TNNI3: variants seen among roughly 807,000 people sequenced by gnomAD.
TNNI3 encodes the protein troponin I3, cardiac type.
Under a neutral mutation model 31.5 loss-of-function variants are expected in TNNI3, and 23 were observed. The ratio of observed to expected loss-of-function variants is 0.73; its 90% CI spans 0.52 to 1.03. The LOEUF (loss-of-function observed/expected upper bound fraction) is 1.03, where lower values mean the gene tolerates loss of function less well. Among genes scored for constraint, TNNI3 ranks in the 50% least tolerant of loss-of-function variants. The pLI is 0.00. For missense variants in TNNI3, 236 were observed against 282.9 expected, an observed-to-expected ratio of 0.83 and a Z score of 1.19; for synonymous variants, 120 against 111.7, an observed-to-expected ratio of 1.07 and a Z score of -0.47.
In TNNI3 at chr19:55,157,460, C is replaced by T. The variant is rs934657027; in HGVS notation, c.11+119G>A. The T allele has an allele frequency of 7.6e-6, 12 of 1,577,182 alleles. No individual in the cohort carries two copies. The highest frequency in any genetic ancestry group is 1.0e-5 in the Non-Finnish European group (12 of 1,151,532). ...TCTGACTCGCAAACCCACTTCCTCT[C>T]TTCACCCAAGAGTCCCTACGCCTAC... On this transcript the variant is annotated intron_variant, in intron 1 of 7. Transcript: ENST00000344887. This position sits in a 1 kb window ranked among gnomAD's most constrained non-coding sequence, Gnocchi z 6.3.
chr19:55,154,840 G>A lies in TNNI3; in HGVS notation c.283-10C>T, dbSNP rs1470947353. On this transcript the variant is annotated splice_polypyrimidine_tract_variant and intron_variant, in intron 5 of 7. Transcript: ENST00000344887. ...GCTGTCGGCACAAGTCCTGGAGGAG[G>A]AACGTGGTGTGTGTTGTTGGGGGAA... 1.1e-5 allele frequency: 17 copies of A among 1,613,912 alleles called. No homozygotes were observed. Among genetic ancestry groups the A allele is most frequent in the Non-Finnish European group, 1.4e-5 (17 of 1,179,780 alleles).
chr19:55,156,132 A>T lies in TNNI3; in HGVS notation c.282+69T>A, dbSNP rs2288528. ...CATATTGGACGCCTGGGTCCCGAGC[A>T]GAAGAGGGGATAGAGGCTGTACTGC... is the stretch of plus-strand genomic sequence containing the variant. On this transcript the variant is annotated intron_variant, in intron 5 of 7. Transcript: ENST00000344887. The surrounding 1 kb of genome is among the most constrained non-coding windows in gnomAD (Gnocchi z 4.6). The T allele has an allele frequency of 0.053, 86,171 of 1,611,228 alleles. 6,903 individuals carry two copies. The highest frequency in any genetic ancestry group is 0.32 in the Admixed American group (19,232 of 59,824).
At position 55,156,544 on chromosome 19, in the gene TNNI3, T is replaced by C. The variant is rs1334022718; in HGVS notation, c.150+59A>G. ...CCACCTACCCCGAAAGCCCCACCCA[T>C]TCTCAAGCTCCGCCCCCTGAGCACC... On this transcript the variant is annotated intron_variant, in intron 4 of 7. Transcript: ENST00000344887. The surrounding 1 kb of genome is among the most constrained non-coding windows in gnomAD (Gnocchi z 4.6). The C allele has an allele frequency of 1.9e-5, 27 of 1,395,992 alleles. No homozygotes were observed. The highest frequency in any genetic ancestry group is 2.6e-5 in the Non-Finnish European group (27 of 1,034,620). 86.5% of individuals were successfully genotyped at this position (1,395,992 alleles called of 1,614,324 possible).
At position 55,157,657 on chromosome 19, in the gene TNNI3, G is replaced by A. The variant is rs569322461; in HGVS notation, c.-68C>T. The A allele has an allele frequency of 5.0e-6, 8 of 1,598,108 alleles. No individual in the cohort carries two copies. Among genetic ancestry groups the A allele is most frequent in the African/African-American group, 1.3e-5 (1 of 74,598 alleles). Reference sequence around the variant, plus strand: ...AGGGGCGTTTGGAGGGTCAGTGAGGGGGCCGCCCGGGTGACCTTCAGGGTC... The same window carrying A: ...AGGGGCGTTTGGAGGGTCAGTGAGGAGGCCGCCCGGGTGACCTTCAGGGTC... On this transcript the variant is annotated 5_prime_UTR_variant, in exon 1 of 8. Coordinates refer to ENST00000344887, the MANE Select transcript of TNNI3 (RefSeq NM_000363.5). The surrounding 1 kb of genome is among the most constrained non-coding windows in gnomAD (Gnocchi z 6.3).
chr19:55,154,882 C>T, intron 5 of TNNI3, 52 bp from the exon 6 acceptor site: 1 of 1,534,724 alleles, frequency 6.5e-7, no homozygotes, highest in Non-Finnish European at 9.0e-7. Context: ...ACAGGGAGAC[C>T]TGGACTCCTG....
rs730881068 is a variant in TNNI3, at chr19:55,154,821, G to A, written c.292C>T (p.Arg98Ter). 4.3e-5 allele frequency: 69 copies of A among 1,614,026 alleles called. No homozygotes were observed. The highest frequency in any genetic ancestry group is 3.3e-4 in the Middle Eastern group (2 of 6,082). The change falls in exon 6 of 8, where the codon CGA (arginine) becomes TGA (stop). Residue 98 changes from arginine to a stop codon, truncating the protein, a stop_gained. Coordinates refer to ENST00000344887, the MANE Select transcript of TNNI3 (RefSeq NM_000363.5). LOFTEE classifies it high-confidence loss of function. ...LGFAELQDLC[R>*]QLHARVDKVD... The stretch of plus-strand genomic sequence containing the variant: ...TTGTCCACACGGGCGTGGAGCTGTC[G>A]GCACAAGTCCTGGAGGAGGAACGTG...
Position 55,156,718 on chromosome 19 carries a change from C to T in TNNI3, c.109-74G>A. On this transcript the variant is annotated intron_variant, in intron 3 of 7. Transcript: ENST00000344887. The surrounding 1 kb of genome is among the most constrained non-coding windows in gnomAD (Gnocchi z 4.6). Reference sequence around the variant, plus strand: ...GACGACGGTGGAGGGGACCTCAAGACACCCCCAGCAAACCCAGCCGGTCCA... The same window carrying T: ...GACGACGGTGGAGGGGACCTCAAGATACCCCCAGCAAACCCAGCCGGTCCA... The T allele has an allele frequency of 6.6e-7, 1 of 1,507,318 alleles. No individual in the cohort carries two copies. Among genetic ancestry groups the T allele is most frequent in the South Asian group, 1.2e-5 (1 of 83,236 alleles). The allele number at this position is 1,507,318 out of a possible 1,614,324, so 93.4% of individuals were successfully genotyped here. A position where few individuals can be genotyped will look rare whatever the true frequency, so the allele number is the denominator to read the frequency against.
Position 55,157,040 on chromosome 19 carries a change from C to G in TNNI3, c.108+10G>C, listed in dbSNP as rs915984061. The G allele has an allele frequency of 2.5e-6, 4 of 1,581,114 alleles. No homozygotes were observed. The highest frequency in any genetic ancestry group is 3.4e-6 in the Non-Finnish European group (4 of 1,166,840). ...CGCCTGTACTCTGCCCCCAGGAAGC[C>G]CCGTCCCACCTTGGCGTGCGGCTCC... is the stretch of plus-strand genomic sequence containing the variant. On this transcript the variant is annotated intron_variant, in intron 3 of 7. Transcript: ENST00000344887. This position sits in a 1 kb window ranked among gnomAD's most constrained non-coding sequence, Gnocchi z 6.3.
Position 55,157,366 on chromosome 19 carries a change from G to A in TNNI3, c.12-58C>T. The A allele has an allele frequency of 1.2e-6, 2 of 1,607,232 alleles. No homozygotes were observed. The highest frequency in any genetic ancestry group is 2.2e-5 in the South Asian group (2 of 90,610). Reference sequence around the variant, plus strand: ...TGGTGGGCTGTGTCCTGTCTCCTAAGGGACCCCTGGAGTCCCCTCTGAACA... The same window carrying A: ...TGGTGGGCTGTGTCCTGTCTCCTAAAGGACCCCTGGAGTCCCCTCTGAACA... On this transcript the variant is annotated intron_variant, in intron 1 of 7. Transcript: ENST00000344887. The surrounding 1 kb of genome is among the most constrained non-coding windows in gnomAD (Gnocchi z 6.3).
rs1374399948 is a variant in TNNI3 at position 55,156,419 on chromosome 19, C to A, written c.151-87G>T. The A allele has an allele frequency of 3.9e-6, 6 of 1,535,188 alleles. No individual in the cohort carries two copies. In the Admixed American group the frequency reaches 9.7e-5, roughly 25 times the overall value. On this transcript the variant is annotated intron_variant, in intron 4 of 7. Coordinates refer to ENST00000344887, the MANE Select transcript of TNNI3 (RefSeq NM_000363.5). The surrounding 1 kb of genome is among the most constrained non-coding windows in gnomAD (Gnocchi z 4.6). Reference sequence around the variant, plus strand: ...GGGAACCGCCTCTGCCCTTCTAAACCCTCCAGTTTGGTCTCCACTGTTCCA... The same window carrying A: ...GGGAACCGCCTCTGCCCTTCTAAACACTCCAGTTTGGTCTCCACTGTTCCA...
At position 55,156,522 on chromosome 19, in the gene TNNI3, C is replaced by A. The variant is rs550969747; in HGVS notation, c.150+81G>T. ...GCCAAACCCCGCCCACTTCCGCCCA[C>A]CTACCCCGAAAGCCCCACCCATTCT... On this transcript the variant is annotated intron_variant, in intron 4 of 7. Coordinates refer to ENST00000344887, the MANE Select transcript of TNNI3 (RefSeq NM_000363.5). The surrounding 1 kb of genome is among the most constrained non-coding windows in gnomAD (Gnocchi z 4.6). The A allele has an allele frequency of 3.8e-5, 58 of 1,537,336 alleles. No individual in the cohort carries two copies. The Admixed American group carries it at 1.1e-3, about 30-fold the overall frequency.
At position 55,156,359 on chromosome 19, in the gene TNNI3, GCC is replaced by G; in HGVS notation, c.151-29_151-28del. On this transcript the variant is annotated intron_variant, in intron 4 of 7. Coordinates refer to ENST00000344887, the MANE Select transcript of TNNI3 (RefSeq NM_000363.5). The surrounding 1 kb of genome is among the most constrained non-coding windows in gnomAD (Gnocchi z 4.6). ...TGCAGAGGGGTGGGAGGGAAGCGCA[GCC>G]CACCCGGGGCTTCAGGATAAAGACC... The G allele has an allele frequency of 6.3e-7, 1 of 1,599,950 alleles. No individual in the cohort carries two copies. The highest frequency in any genetic ancestry group is 2.2e-5 in the East Asian group (1 of 44,654).
Position 55,157,630 on chromosome 19 carries a change from A to G in TNNI3, c.-41T>C. On this transcript the variant is annotated 5_prime_UTR_variant, in exon 1 of 8. Coordinates refer to ENST00000344887, the MANE Select transcript of TNNI3 (RefSeq NM_000363.5). The surrounding 1 kb of genome is among the most constrained non-coding windows in gnomAD (Gnocchi z 6.3). ...GGGAATGGCAGGAGGCAGGGCGAGG[A>G]CAGGGGCGTTTGGAGGGTCAGTGAG... is the stretch of plus-strand genomic sequence containing the variant. The G allele has an allele frequency of 6.2e-7, 1 of 1,613,638 alleles. No homozygotes were observed.
chr19:55,156,526 C>T lies in TNNI3; in HGVS notation c.150+77G>A. The T allele has an allele frequency of 5.2e-6, 8 of 1,525,790 alleles. No individual in the cohort carries two copies. The highest frequency in any genetic ancestry group is 7.1e-6 in the Non-Finnish European group (8 of 1,126,248). 94.5% of individuals were successfully genotyped at this position (1,525,790 alleles called of 1,614,324 possible). A position where few individuals can be genotyped will look rare whatever the true frequency, so the allele number is the denominator to read the frequency against. ...AACCCCGCCCACTTCCGCCCACCTA[C>T]CCCGAAAGCCCCACCCATTCTCAAG... On this transcript the variant is annotated intron_variant, in intron 4 of 7. Transcript: ENST00000344887. The surrounding 1 kb of genome is among the most constrained non-coding windows in gnomAD (Gnocchi z 4.6).
Position 55,157,136 on chromosome 19 carries a change from G to A in TNNI3, c.25-3C>T. ...GGTGCAGGGCGAGGTTCCCTAGCCT[G>A]GGTTAGGAGGAGTGGGGACCCCATC... On this transcript the variant is annotated splice_polypyrimidine_tract_variant and splice_region_variant and intron_variant, in intron 2 of 7. Coordinates refer to ENST00000344887, the MANE Select transcript of TNNI3 (RefSeq NM_000363.5). This position sits in a 1 kb window ranked among gnomAD's most constrained non-coding sequence, Gnocchi z 6.3. The A allele has an allele frequency of 1.9e-6, 3 of 1,598,916 alleles. No individual in the cohort carries two copies. The highest frequency in any genetic ancestry group is 2.6e-6 in the Non-Finnish European group (3 of 1,174,574).
At position 55,156,423 on chromosome 19, in the gene TNNI3, C is replaced by T; in HGVS notation, c.151-91G>A. ...ACCGCCTCTGCCCTTCTAAACCCTC[C>T]AGTTTGGTCTCCACTGTTCCAAGGC... On this transcript the variant is annotated intron_variant, in intron 4 of 7. Coordinates refer to ENST00000344887, the MANE Select transcript of TNNI3 (RefSeq NM_000363.5). This position sits in a 1 kb window ranked among gnomAD's most constrained non-coding sequence, Gnocchi z 4.6. 1 of 1,529,588 alleles carries T rather than the reference C, an allele frequency of 6.5e-7. No homozygotes were observed. The highest frequency in any genetic ancestry group is 1.2e-5 in the South Asian group (1 of 83,684). 94.8% of individuals were successfully genotyped at this position (1,529,588 alleles called of 1,614,324 possible).
chr19:55,154,623 A>G (rs368564318), intron 6 of TNNI3, 118 bp downstream of exon 6: 28 of 866,914 alleles, frequency 3.2e-5, no homozygotes, highest in African/African-American at 1.2e-4. Flanking sequence ...CCAGGCTCAC[A>G]GTTGTCCTGG....
rs1016654574 is a variant in TNNI3, at chr19:55,152,912, G to A, written c.550-995C>T. Among the ~76,000 whole-genome samples the A allele has an allele frequency of 6.6e-6, 1 of 152,060 alleles. No individual in the cohort carries two copies. Among genetic ancestry groups the A allele is most frequent in the Non-Finnish European group, 1.5e-5 (1 of 68,018 alleles). On this transcript the variant is annotated intron_variant, in intron 7 of 7. Transcript: ENST00000344887. The surrounding 1 kb of genome is among the most constrained non-coding windows in gnomAD (Gnocchi z 4.0). The stretch of plus-strand genomic sequence containing the variant: ...CCTCCCGGGTTCAAGCAATTCTCCT[G>A]CCTCAGCTTCACAAGTAGCTGGGAT...
chr19:55,151,979 C>T, intron 7 of TNNI3, 62 bp from the exon 8 acceptor site: 3 of 1,486,550 alleles, frequency 2.0e-6, no homozygotes, highest in South Asian at 2.3e-5. Context: ...TCTCAAGAAT[C>T]CCTGTCTTCC....
Sources: gnomAD v4.1 joint callset for allele counts (sites outside exome capture counted in the v4.1 genomes callset) on GRCh38, gnomAD v4.1.1 for gene constraint, Gnocchi (gnomAD v3.1) non-coding constraint, MANE v1.5 for transcripts, NCBI Gene and HGNC (gene_info 2026-07-23, HGNC 2026-07-21) for gene names.